The following ANK3 variants were observed in gnomAD, a reference collection of about 807,000 sequenced individuals.
ANK3 encodes ankyrin-3.
ANK3 carries 57 observed loss-of-function variants against 370.9 expected under a neutral mutation model. The ratio of observed to expected loss-of-function variants is 0.15; its 90% CI spans 0.12 to 0.19. The LOEUF (loss-of-function observed/expected upper bound fraction) is 0.19. Among genes scored for constraint, ANK3 ranks in the 10% least tolerant of loss-of-function variants. The pLI is 1.00. For missense variants in ANK3, 4,439 were observed against 5,302.1 expected, an observed-to-expected ratio of 0.84 and a Z score of 5.06; for synonymous variants, 1,929 against 1,946.3, an observed-to-expected ratio of 0.99 and a Z score of 0.23.
intron 2 of ANK3, among the ~76,000 whole-genome samples, chr10:60,491,572 A>G (rs1230053169): frequency 6.6e-6 from 1 of 152,252 alleles, no homozygotes; most frequent in Non-Finnish European, 1.5e-5. Context: ...ACTAGATGTG[A>G]ATAAGAATTG....
chr10:60,547,858 C>T (rs2133227110), intron 2 of ANK3, among the ~76,000 whole-genome samples: 1 of 152,292 alleles, frequency 6.6e-6, no homozygotes, highest in Non-Finnish European at 1.5e-5. Context: ...ACAAACTGAT[C>T]TGCAAGCAAT....
intron 2 of ANK3, among the ~76,000 whole-genome samples, chr10:60,399,038 G>C (rs977030077): frequency 6.6e-6 from 1 of 152,022 alleles, no homozygotes; most frequent in Non-Finnish European, 1.5e-5. Flanking sequence ...GCAACACATG[G>C]GAATACATAA....
chr10:60,492,733 G>GAAAAAAAA (rs1402961092), intron 2 of ANK3, among the ~76,000 whole-genome samples: 27 of 122,696 alleles, frequency 2.2e-4, no homozygotes, highest in Non-Finnish European at 4.5e-4. Flanking sequence ...AAGAAAGAAA[G>GAAAAAAAA]AAAGAAAAAA....
chr10:60,614,137 CT>C (rs1284915990), intron 2 of ANK3, among the ~76,000 whole-genome samples: 1 of 151,962 alleles, frequency 6.6e-6, no homozygotes, highest in Non-Finnish European at 1.5e-5. Flanking sequence ...AACAAAATAA[CT>C]AAAAGACCAT....
intron 1 of ANK3, among the ~76,000 whole-genome samples, chr10:60,715,538 G>T (rs1485526786): frequency 6.6e-6 from 1 of 152,102 alleles, no homozygotes; most frequent in African/African-American, 2.4e-5. Context: ...AATATACAAA[G>T]AGAACAATTT....
At chr10:60,691,668 TA>T (rs1392128870) in intron 1 of ANK3, among the ~76,000 whole-genome samples, 3 of 152,214 alleles carry the variant, frequency 2.0e-5, no homozygotes, top group Non-Finnish European at 4.4e-5. Flanking sequence ...CTTGACCTTT[TA>T]TTATAAAAGG....
chr10:60,144,295 C>G, intron 23 of ANK3: 2 of 376,060 alleles, frequency 5.3e-6, no homozygotes, highest in South Asian at 4.1e-5. Context: ...CCTAATGTAT[C>G]ACTAATAAAT....
chr10:60,638,322 G>T (rs922635737), intron 1 of ANK3, among the ~76,000 whole-genome samples: 5 of 152,024 alleles, frequency 3.3e-5, no homozygotes, highest in African/African-American at 1.2e-4. Flanking sequence ...TTAGTAGTAG[G>T]GCTAAATTAG....
intron 1 of ANK3, among the ~76,000 whole-genome samples, chr10:60,303,874 A>ATG (rs1209216231): frequency 1.5e-5 from 2 of 135,018 alleles, no homozygotes; most frequent in African/African-American, 2.9e-5. Context: ...TGTGGTGTAT[A>ATG]TATGTGTGTG....
At chr10:60,466,468 A>T (rs2065014499) in intron 2 of ANK3, among the ~76,000 whole-genome samples, 1 of 152,190 alleles carries the variant, frequency 6.6e-6, no homozygotes, top group Non-Finnish European at 1.5e-5. Flanking sequence ...AGCCTCATAC[A>T]CTGCTGGTAG....
In ANK3 at chr10:60,249,050, C is replaced by A. The variant is rs553943922; in HGVS notation, c.798+12809G>T. On this transcript the variant is annotated intron_variant, in intron 7 of 43. Transcript: ENST00000280772. ...TTTTAAATAAGAACTCATGGTTTTT[C>A]TTTATATTTCTTTAAAGATGTCACT... 2.6e-5 allele frequency among the ~76,000 whole-genome samples: 4 copies of A among 152,138 alleles called. No homozygotes were observed. In the South Asian group the frequency reaches 8.3e-4, roughly 32 times the overall value.
At chr10:60,137,690 A>T (rs894286445) in intron 24 of ANK3, among the ~76,000 whole-genome samples, 2 of 152,230 alleles carry the variant, frequency 1.3e-5, no homozygotes, top group East Asian at 1.9e-4. Flanking sequence ...GAAAAAAAAT[A>T]CAGTGCGATA....
chr10:60,622,217 A>G (rs2078346471), intron 1 of ANK3, among the ~76,000 whole-genome samples: 1 of 151,646 alleles, frequency 6.6e-6, no homozygotes, highest in South Asian at 2.1e-4. Flanking sequence ...GTTTGTAGGT[A>G]GGTTAACTAA....
At chr10:60,304,287 A>T (rs964778551) in intron 1 of ANK3, among the ~76,000 whole-genome samples, 8 of 152,110 alleles carry the variant, frequency 5.3e-5, no homozygotes, top group Non-Finnish European at 1.2e-4. Flanking sequence ...CAGCAAAAAA[A>T]TAACTATAAA....
chr10:60,187,521 C>T (rs2096376056), intron 16 of ANK3, among the ~76,000 whole-genome samples: 1 of 151,996 alleles, frequency 6.6e-6, no homozygotes, highest in Non-Finnish European at 1.5e-5. Flanking sequence ...TATAAATTTC[C>T]CTTTTACAGG....
At chr10:60,332,024 C>T (rs1158517062) in intron 1 of ANK3, among the ~76,000 whole-genome samples, 1 of 151,782 alleles carries the variant, frequency 6.6e-6, no homozygotes, top group East Asian at 1.9e-4. Context: ...CTCATAACAT[C>T]AGGAAATTTA....
At chr10:60,209,828 T>C (rs1366791311) in intron 9 of ANK3, among the ~76,000 whole-genome samples, 1 of 151,886 alleles carries the variant, frequency 6.6e-6, no homozygotes, top group Non-Finnish European at 1.5e-5. Flanking sequence ...GAACAAGTAA[T>C]AGTGGAGAGT....
At chr10:60,201,138 G>A (rs1338485397) in intron 12 of ANK3, among the ~76,000 whole-genome samples, 2 of 152,234 alleles carry the variant, frequency 1.3e-5, no homozygotes, top group African/African-American at 4.8e-5. Context: ...AGATTCCACA[G>A]GAAACTGGTG....
intron 25 of ANK3, among the ~76,000 whole-genome samples, chr10:60,116,640 A>G (rs1332795235): frequency 6.6e-6 from 1 of 152,052 alleles, no homozygotes; most frequent in Non-Finnish European, 1.5e-5. Context: ...AGAAGTAACA[A>G]ATATATTGAA....
Sources: allele counts gnomAD v4.1 joint callset (sites outside exome capture counted in the v4.1 genomes callset), GRCh38; gene constraint gnomAD v4.1.1; transcripts MANE v1.5; gene names NCBI Gene and HGNC (gene_info 2026-07-23, HGNC 2026-07-21).